The following SGSM1 variants were observed in gnomAD, a reference collection of about 807,000 sequenced individuals.
SGSM1 encodes small G protein signaling modulator 1.
SGSM1 carries 73 observed loss-of-function variants against 133.8 expected under a neutral mutation model. The ratio of observed to expected loss-of-function variants is 0.55; its 90% CI spans 0.45 to 0.66. The LOEUF (loss-of-function observed/expected upper bound fraction) is 0.66, where lower values mean the gene tolerates loss of function less well. Among genes scored for constraint, SGSM1 ranks in the 30% least tolerant of loss-of-function variants. The probability of loss-of-function intolerance (pLI) is 0.00; values close to 1 mark genes in which losing one functional copy is unlikely to be tolerated. For synonymous variants in SGSM1, 563 were observed against 573.0 expected, an observed-to-expected ratio of 0.98 and a Z score of 0.25; for missense variants, 1,213 against 1,448.1, an observed-to-expected ratio of 0.84 and a Z score of 2.64.
chr22:24,885,813 T>C lies in SGSM1; in HGVS notation c.1642-787T>C, dbSNP rs533131461. On this transcript the variant is annotated intron_variant, in intron 15 of 24. Transcript: ENST00000400358. ...CCGTGTAGGGACGCATGTTCACCCA[T>C]TGATGCGCAGTTGGAGAGTTACCTG... Among the ~76,000 whole-genome samples the C allele has an allele frequency of 5.3e-5, 8 of 151,968 alleles. 1 individual carries two copies. The South Asian group carries it at 1.7e-3, about 32-fold the overall frequency.
intron 12 of SGSM1, among the ~76,000 whole-genome samples, chr22:24,874,894 C>T (rs142368807): frequency 0.011 from 1,751 of 152,312 alleles, 17 homozygotes; most frequent in African/African-American, 0.04. Context: ...TGGGGCTTTT[C>T]TTCTAGAACA....
chr22:24,844,618 C>G, intron 2 of SGSM1: 1 of 428,534 alleles, frequency 2.3e-6, no homozygotes, highest in South Asian at 3.2e-5. Flanking sequence ...ACAGTGTGGT[C>G]AGGAAAGGAG....
intron 16 of SGSM1, among the ~76,000 whole-genome samples, chr22:24,888,776 C>T (rs1932748780): frequency 6.6e-6 from 1 of 151,542 alleles, no homozygotes; most frequent in African/African-American, 2.4e-5. Context: ...AAGACTCCAT[C>T]TCAAAAAAAC....
intron 19 of SGSM1, among the ~76,000 whole-genome samples, chr22:24,899,665 G>T (rs1933056250): frequency 6.6e-6 from 1 of 151,846 alleles, no homozygotes; most frequent in Non-Finnish European, 1.5e-5. Context: ...AGGACTACAG[G>T]CGCCCGCCAC....
chr22:24,850,488 G>T, intron 5 of SGSM1, 56 bp downstream of exon 5: 1 of 1,590,790 alleles, frequency 6.3e-7, no homozygotes, highest in African/African-American at 1.3e-5. Flanking sequence ...GCCGGCCGTT[G>T]TGGAAATTGC....
chr22:24,837,543 CAG>C (rs1381928456), intron 2 of SGSM1, among the ~76,000 whole-genome samples: 1 of 139,744 alleles, frequency 7.2e-6, no homozygotes, highest in African/African-American at 3.3e-5. Flanking sequence ...GGTGGAGGAG[CAG>C]AGTCTTCTCT....
Position 24,924,582 on chromosome 22 carries a change from T to G in SGSM1, c.*308T>G. Reference sequence around the variant, plus strand: ...CATCTTTGTTTGCTGGTGCCCGGAATGGTCTCCTCTTCTTCTTTCCCTATC... The same window carrying G: ...CATCTTTGTTTGCTGGTGCCCGGAAGGGTCTCCTCTTCTTCTTTCCCTATC... On this transcript the variant is annotated 3_prime_UTR_variant, in exon 25 of 25. Coordinates refer to ENST00000400358, the MANE Select transcript of SGSM1 (RefSeq NM_001098497.3). 1 of 411,140 alleles carries G rather than the reference T, an allele frequency of 2.4e-6. No individual in the cohort carries two copies. The highest frequency in any genetic ancestry group is 7.2e-4 in the Middle Eastern group (1 of 1,394). The allele number at this position is 411,140 out of a possible 1,614,324, so 25.5% of individuals were successfully genotyped here.
At chr22:24,917,022 G>A (rs920776837) in intron 22 of SGSM1, among the ~76,000 whole-genome samples, 2 of 150,676 alleles carry the variant, frequency 1.3e-5, no homozygotes, top group African/African-American at 2.4e-5. Context: ...GGGACTACAT[G>A]CCCAGGCCAC....
intron 23 of SGSM1, among the ~76,000 whole-genome samples, chr22:24,918,352 C>T (rs1014495145): frequency 6.6e-6 from 1 of 151,772 alleles, no homozygotes; most frequent in Non-Finnish European, 1.5e-5. Flanking sequence ...AAAAATTGGC[C>T]GGGCATGGTG....
chr22:24,815,407 G>A (rs924148846), intron 2 of SGSM1, among the ~76,000 whole-genome samples: 3 of 152,180 alleles, frequency 2.0e-5, no homozygotes, highest in African/African-American at 7.2e-5. Flanking sequence ...AAACTCAGAG[G>A]TTTATATAGC....
At chr22:24,876,778 C>G (rs1932049327) in intron 13 of SGSM1, 63 bp downstream of exon 13, 1 of 1,600,516 alleles carries the variant, frequency 6.2e-7, no homozygotes. Context: ...CTGTAGATGC[C>G]CATGTCTTAC....
At chr22:24,900,083 G>T (rs1480857389) in intron 19 of SGSM1, among the ~76,000 whole-genome samples, 1 of 149,518 alleles carries the variant, frequency 6.7e-6, no homozygotes, top group African/African-American at 2.5e-5. Context: ...GAGGGCAGTG[G>T]CGCAATCACT....
Position 24,898,369 on chromosome 22 carries a change from C to T in SGSM1, c.2420C>T (p.Pro807Leu). The change falls in exon 19 of 25, where the codon CCT becomes CTT. Residue 807 changes from proline to leucine, a missense_variant. Coordinates refer to ENST00000400358, the MANE Select transcript of SGSM1 (RefSeq NM_001098497.3). ...ACGGGCAGCCTGGACATGGCCCTGC[C>T]TGAAAAGGACGATGTTGTGATGGAG... is the stretch of plus-strand genomic sequence containing the variant. The part of the protein sequence containing the change: ...SITGSLDMAL[P>L]EKDDVVMEGW... 6.2e-7 allele frequency: 1 copy of T among 1,613,812 alleles called. No individual in the cohort carries two copies. Among genetic ancestry groups the T allele is most frequent in the Non-Finnish European group, 8.5e-7 (1 of 1,179,862 alleles).
Position 24,806,270 on chromosome 22 carries a change from T to TACCACCGCC in SGSM1, c.-53_-52insACCGCCACC. On this transcript the variant is annotated 5_prime_UTR_variant, in exon 1 of 25. Coordinates refer to ENST00000400358, the MANE Select transcript of SGSM1 (RefSeq NM_001098497.3). ...GCAGCAGCGCCGCGGCCGGAGGAGC[T>TACCACCGCC]ACCGCCGCCACCGCCGCCACCGCCT... 7.2e-7 allele frequency: 1 copy of TACCACCGCC among 1,397,512 alleles called. No homozygotes were observed. Among genetic ancestry groups the TACCACCGCC allele is most frequent in the Non-Finnish European group, 9.2e-7 (1 of 1,081,386 alleles). 86.6% of individuals were successfully genotyped at this position (1,397,512 alleles called of 1,614,324 possible). A position where few individuals can be genotyped will look rare whatever the true frequency, so the allele number is the denominator to read the frequency against.
intron 2 of SGSM1, among the ~76,000 whole-genome samples, chr22:24,840,343 A>T (rs922757247): frequency 6.6e-6 from 1 of 151,438 alleles, no homozygotes; most frequent in African/African-American, 2.4e-5. Flanking sequence ...TGAATTTTTA[A>T]TTTTTATGTA....
rs562035063 is a variant in SGSM1, at chr22:24,862,696, C to G, written c.926+2856C>G. Among the ~76,000 whole-genome samples the G allele has an allele frequency of 2.6e-5, 4 of 152,278 alleles. No individual in the cohort carries two copies. In the South Asian group the frequency reaches 8.3e-4, roughly 32 times the overall value. ...CAAGGAAAGGAGGGGAAAATCTTTA[C>G]CTTCTCAGAGCTTACATTCTACTGG... On this transcript the variant is annotated intron_variant, in intron 9 of 24. Coordinates refer to ENST00000400358, the MANE Select transcript of SGSM1 (RefSeq NM_001098497.3).
chr22:24,848,023 A>G (rs1019156772), intron 4 of SGSM1, among the ~76,000 whole-genome samples: 4 of 151,674 alleles, frequency 2.6e-5, no homozygotes, highest in Non-Finnish European at 5.9e-5. Flanking sequence ...ATTCAGACCT[A>G]TCGTTATCTC....
intron 8 of SGSM1, among the ~76,000 whole-genome samples, chr22:24,859,196 C>A (rs1930980445): frequency 6.6e-6 from 1 of 152,124 alleles, no homozygotes; most frequent in Admixed American, 6.5e-5. Flanking sequence ...TAAAACAAAG[C>A]CGGTGAGAAT....
intron 8 of SGSM1, 122 bp downstream of exon 8, chr22:24,855,802 A>T (rs1393969030): frequency 7.1e-7 from 1 of 1,418,158 alleles, no homozygotes; most frequent in South Asian, 1.2e-5. Flanking sequence ...ACCCATGCAC[A>T]CATCCACCCG....
Sources: gnomAD v4.1 joint callset for allele counts (sites outside exome capture counted in the v4.1 genomes callset) on GRCh38, gnomAD v4.1.1 for gene constraint, MANE v1.5 for transcripts, NCBI Gene and HGNC (gene_info 2026-07-23, HGNC 2026-07-21) for gene names.